Variants in ZFPM2 observed in about 807,000 individuals in gnomAD.
ZFPM2 encodes zinc finger protein ZFPM2.
Under a neutral mutation model 98.6 loss-of-function variants are expected in ZFPM2, and 20 were observed. The observed-to-expected ratio is 0.20, with a 90% CI of 0.14 to 0.29. The LOEUF (loss-of-function observed/expected upper bound fraction) is 0.29. Among genes scored for constraint, ZFPM2 ranks in the 10% least tolerant of loss-of-function variants. ZFPM2 has a pLI of 1.00. For synonymous variants in ZFPM2, 518 were observed against 502.7 expected, an observed-to-expected ratio of 1.03 and a Z score of -0.41; for missense variants, 1,310 against 1,388.6, an observed-to-expected ratio of 0.94 and a Z score of 0.90.
chr8:105,412,419 T>G (rs1045985240), intron 1 of ZFPM2, among the ~76,000 whole-genome samples: 9 of 151,784 alleles, frequency 5.9e-5, no homozygotes, highest in Non-Finnish European at 8.8e-5. Flanking sequence ...GAGGTACAGC[T>G]ATGAGCAAAA....
chr8:105,379,007 C>T (rs1048423099), intron 1 of ZFPM2, among the ~76,000 whole-genome samples: 14 of 152,084 alleles, frequency 9.2e-5, no homozygotes, highest in African/African-American at 3.4e-4. Context: ...TAGGTAGATA[C>T]GTAGGTAGAT....
rs566852766 is a variant in ZFPM2, at chr8:105,689,249, T to C, written c.532+54892T>C. 6.6e-5 allele frequency among the ~76,000 whole-genome samples: 10 copies of C among 152,310 alleles called. No individual in the cohort carries two copies. The East Asian group carries it at 1.9e-3, about 29-fold the overall frequency. ...TATTCTATCAAGTCACACATCACAC[T>C]TTTTAAAAAGAGTAAGACATAGATG... is the stretch of plus-strand genomic sequence containing the variant. On this transcript the variant is annotated intron_variant, in intron 5 of 7. Coordinates refer to ENST00000407775, the MANE Select transcript of ZFPM2 (RefSeq NM_012082.4).
chr8:105,679,557 A>G (rs2130918535), intron 5 of ZFPM2, among the ~76,000 whole-genome samples: 1 of 152,268 alleles, frequency 6.6e-6, no homozygotes, highest in East Asian at 1.9e-4. Flanking sequence ...AGAGTGGTTT[A>G]TTGAAAGTCC....
At chr8:105,535,887 A>G (rs1416852020) in intron 3 of ZFPM2, among the ~76,000 whole-genome samples, 1 of 152,162 alleles carries the variant, frequency 6.6e-6, no homozygotes, top group Admixed American at 6.6e-5. Context: ...TAAAATTAGG[A>G]ATTTGATCTT....
intron 5 of ZFPM2, among the ~76,000 whole-genome samples, chr8:105,650,731 G>C (rs564941828): frequency 6.6e-6 from 1 of 152,272 alleles, no homozygotes; most frequent in South Asian, 2.1e-4. Flanking sequence ...ATTGCACTGT[G>C]GTCTGAGAGA....
intron 4 of ZFPM2, among the ~76,000 whole-genome samples, chr8:105,607,316 A>G (rs17218109): frequency 0.2 from 30,500 of 152,048 alleles, 3,094 homozygotes; most frequent in South Asian, 0.26. Context: ...TACTGATGGA[A>G]TATAAATGCC....
intron 3 of ZFPM2, among the ~76,000 whole-genome samples, chr8:105,516,415 TATAAG>T (rs35031575): frequency 0.4 from 59,947 of 151,672 alleles, 14,570 homozygotes; most frequent in African/African-American, 0.7. Flanking sequence ...CAAGCAATGT[TATAAG>T]ATAAATATAT....
intron 5 of ZFPM2, chr8:105,787,148 G>C (rs979370470): frequency 2.2e-4 from 34 of 152,310 alleles, no homozygotes; most frequent in South Asian, 4.1e-4. Context: ...AAGCCTTCAG[G>C]GGGGAGAACA....
chr8:105,773,209 T>C (rs1813022132), intron 5 of ZFPM2, among the ~76,000 whole-genome samples: 1 of 152,152 alleles, frequency 6.6e-6, no homozygotes, highest in African/African-American at 2.4e-5. Context: ...TAGGTATATA[T>C]ACCAACATAT....
At chr8:105,593,405 T>A (rs1384701910) in intron 4 of ZFPM2, among the ~76,000 whole-genome samples, 4 of 151,854 alleles carry the variant, frequency 2.6e-5, no homozygotes, top group African/African-American at 9.7e-5. Context: ...GAAAAAAAAA[T>A]TATTACCTTA....
chr8:105,324,433 C>T (rs1179735491), intron 1 of ZFPM2, among the ~76,000 whole-genome samples: 2 of 151,672 alleles, frequency 1.3e-5, no homozygotes, highest in Non-Finnish European at 3.0e-5. Flanking sequence ...TAGTTGAGGC[C>T]TTGCTATTCA....
At chr8:105,749,557 G>A (rs759867643) in intron 5 of ZFPM2, among the ~76,000 whole-genome samples, 1 of 151,998 alleles carries the variant, frequency 6.6e-6, no homozygotes, top group Non-Finnish European at 1.5e-5. Context: ...TCCTGGTCAT[G>A]TTCAGCATTT....
At chr8:105,663,805 A>G (rs1311415153) in intron 5 of ZFPM2, among the ~76,000 whole-genome samples, 2 of 152,238 alleles carry the variant, frequency 1.3e-5, no homozygotes, top group Non-Finnish European at 2.9e-5. Flanking sequence ...TTAATCAAGT[A>G]TAATGTTCAC....
chr8:105,502,836 G>C (rs1359049336), intron 3 of ZFPM2, among the ~76,000 whole-genome samples: 1 of 152,142 alleles, frequency 6.6e-6, no homozygotes, highest in Non-Finnish European at 1.5e-5. Context: ...GTGCACAGTT[G>C]TCTGTGGATT....
chr8:105,521,847 G>C (rs1901063), intron 3 of ZFPM2, among the ~76,000 whole-genome samples: 1 of 152,132 alleles, frequency 6.6e-6, no homozygotes, highest in Non-Finnish European at 1.5e-5. Context: ...AAAGTGCTGG[G>C]ATTACAGGCA....
intron 3 of ZFPM2, among the ~76,000 whole-genome samples, chr8:105,469,638 T>G (rs1812859874): frequency 6.6e-6 from 1 of 152,230 alleles, no homozygotes; most frequent in African/African-American, 2.4e-5. Flanking sequence ...TGCCTCAGTT[T>G]CCTTATCAGT....
chr8:105,560,181 AAAAAAAG>A (rs1230265246), intron 3 of ZFPM2, among the ~76,000 whole-genome samples: 2 of 77,864 alleles, frequency 2.6e-5, no homozygotes, highest in Non-Finnish European at 4.4e-5. Context: ...AAAAAAAAAA[AAAAAAAG>A]AAAGAAAATA....
rs555867513 is a variant in ZFPM2, at chr8:105,323,988, A to G, written c.40+5007A>G. Among the ~76,000 whole-genome samples, 13 of 151,936 alleles carry G rather than the reference A, an allele frequency of 8.6e-5. No homozygotes were observed. The East Asian group carries it at 2.3e-3, about 27-fold the overall frequency. The stretch of plus-strand genomic sequence containing the variant: ...ATATATCTTAGTATTTCTTGGGTGA[A>G]CACACAAGTTTGAATTTTCTATAAA... On this transcript the variant is annotated intron_variant, in intron 1 of 7. Transcript: ENST00000407775.
chr8:105,464,510 A>G (rs1812760571), intron 3 of ZFPM2, among the ~76,000 whole-genome samples: 1 of 151,964 alleles, frequency 6.6e-6, no homozygotes, highest in Non-Finnish European at 1.5e-5. Context: ...AGAGGGGAAA[A>G]AAGAGAGAGA....
Sources: allele counts gnomAD v4.1 joint callset (sites outside exome capture counted in the v4.1 genomes callset), GRCh38; gene constraint gnomAD v4.1.1; transcripts MANE v1.5; gene names NCBI Gene and HGNC (gene_info 2026-07-23, HGNC 2026-07-21).